The following SLC1A2 variants were observed in gnomAD, a reference collection of about 807,000 sequenced individuals.
SLC1A2 encodes the protein solute carrier family 1 member 2.
Under a neutral mutation model 48.8 loss-of-function variants are expected in SLC1A2, and 15 were observed. That is an observed-to-expected ratio of 0.31 (90% CI 0.21 to 0.47). The LOEUF is 0.47. Ranked by LOEUF, SLC1A2 falls within the 20% of genes least tolerant of loss-of-function variation. The pLI, the probability that SLC1A2 is intolerant of heterozygous loss-of-function variation, is 0.99. For synonymous variants in SLC1A2, 279 were observed against 272.6 expected (o/e 1.02, Z -0.23); for missense variants, 502 against 730.5 (o/e 0.69, Z 3.61).
intron 9 of SLC1A2, among the ~76,000 whole-genome samples, chr11:35,269,127 C>T (rs574051900): frequency 7.9e-5 from 12 of 152,242 alleles, no homozygotes; most frequent in African/African-American, 2.9e-4. Context: ...AGAAAAGAGG[C>T]CCAATAGAGA....
intron 10 of SLC1A2, among the ~76,000 whole-genome samples, chr11:35,262,132 T>G (rs1046638954): frequency 6.6e-6 from 1 of 152,252 alleles, no homozygotes; most frequent in African/African-American, 2.4e-5. Context: ...GCAGCAAATT[T>G]GTTTCCCTTT....
At chr11:35,351,008 T>A (rs182290378) in intron 1 of SLC1A2, among the ~76,000 whole-genome samples, 25 of 152,328 alleles carry the variant, frequency 1.6e-4, no homozygotes, top group African/African-American at 5.8e-4. Context: ...CCCACTATCC[T>A]CATCCAATAG....
At chr11:35,267,294 C>A (rs1194140469) in intron 9 of SLC1A2, among the ~76,000 whole-genome samples, 2 of 152,134 alleles carry the variant, frequency 1.3e-5, no homozygotes, top group Non-Finnish European at 2.9e-5. Context: ...TGTTTGACAA[C>A]CCTGATCATA....
At chr11:35,416,031 T>C (rs1364808936) in intron 1 of SLC1A2, among the ~76,000 whole-genome samples, 1 of 152,186 alleles carries the variant, frequency 6.6e-6, no homozygotes, top group Non-Finnish European at 1.5e-5. Context: ...AATGCTCAAC[T>C]ATTAAATTAG....
intron 1 of SLC1A2, among the ~76,000 whole-genome samples, chr11:35,354,684 C>T (rs913415426): frequency 6.6e-6 from 1 of 152,044 alleles, no homozygotes; most frequent in Admixed American, 6.6e-5. Context: ...TCGAGAAACC[C>T]TATCCCAACA....
chr11:35,388,750 C>T (rs1854662137), intron 1 of SLC1A2, among the ~76,000 whole-genome samples: 1 of 152,182 alleles, frequency 6.6e-6, no homozygotes. Context: ...GCATGTAGAG[C>T]CTATGCCTCC....
At chr11:35,324,493 T>C (rs1019657365) in intron 1 of SLC1A2, among the ~76,000 whole-genome samples, 9 of 152,240 alleles carry the variant, frequency 5.9e-5, no homozygotes, top group African/African-American at 2.2e-4. Context: ...TGATATAGTA[T>C]CTGATATATA....
chr11:35,296,850 C>G (rs1483551545), intron 6 of SLC1A2, among the ~76,000 whole-genome samples: 3 of 152,096 alleles, frequency 2.0e-5, no homozygotes, highest in African/African-American at 7.2e-5. Flanking sequence ...GCACTTATTA[C>G]TATTCGAATT....
intron 1 of SLC1A2, among the ~76,000 whole-genome samples, chr11:35,328,592 GA>G (rs1204754531): frequency 2.6e-5 from 4 of 152,168 alleles, no homozygotes; most frequent in Non-Finnish European, 5.9e-5. Flanking sequence ...CCTGGACTTG[GA>G]AAAACTGGTC....
At chr11:35,339,266 C>A (rs372722407) in intron 1 of SLC1A2, among the ~76,000 whole-genome samples, 2 of 152,152 alleles carry the variant, frequency 1.3e-5, no homozygotes, top group African/African-American at 4.8e-5. Context: ...AATCTCAATG[C>A]GGTGAACAAG....
intron 1 of SLC1A2, among the ~76,000 whole-genome samples, chr11:35,403,145 G>C (rs759606513): frequency 6.6e-6 from 1 of 152,188 alleles, no homozygotes; most frequent in South Asian, 2.1e-4. Context: ...TATGCCGAAC[G>C]CTTCACACAC....
intron 4 of SLC1A2, among the ~76,000 whole-genome samples, chr11:35,310,305 A>G (rs1403575249): frequency 2.6e-5 from 4 of 152,200 alleles, no homozygotes; most frequent in Non-Finnish European, 4.4e-5. Context: ...AATGTTAAGA[A>G]TGGATAGCAC....
At chr11:35,388,561 A>T (rs745473968) in intron 1 of SLC1A2, among the ~76,000 whole-genome samples, 5 of 151,980 alleles carry the variant, frequency 3.3e-5, no homozygotes, top group African/African-American at 4.8e-5. Flanking sequence ...GCCTGTTTAA[A>T]TTTTTGTATT....
intron 6 of SLC1A2, chr11:35,299,031 C>A (rs148425072): frequency 6.6e-6 from 1 of 152,330 alleles, no homozygotes; most frequent in African/African-American, 2.4e-5. Flanking sequence ...TCAGATGAAT[C>A]TGAAGGACTT....
At chr11:35,265,819 T>C in intron 9 of SLC1A2, 61 bp from the exon 10 acceptor site, 1 of 1,064,686 alleles carries the variant, frequency 9.4e-7, no homozygotes, top group Non-Finnish European at 1.4e-6. Context: ...AGTTGAGAGG[T>C]CAAGGTCTGG....
intron 10 of SLC1A2, among the ~76,000 whole-genome samples, chr11:35,263,179 A>G (rs368141347): frequency 3.2e-4 from 49 of 152,176 alleles, no homozygotes; most frequent in African/African-American, 1.1e-3. Context: ...AAAACGAAGC[A>G]AATTGGCCAG....
At position 35,312,447 on chromosome 11, in the gene SLC1A2, C is replaced by A. The variant is rs1360131761; in HGVS notation, c.312G>T (p.Gly104=). Residue 104 remains glycine, a splice_region_variant and synonymous_variant, in exon 4 of 11, where the codon GGG becomes GGT. Transcript: ENST00000278379. ...TAGCCTTAGCATCCAGGCCTGACAA[C>A]CCTGGATTGAAAAGAAATGCAGAAG... ...LPLIISSLIT[G]LSGLDAKASG... 2 of 1,613,604 alleles carry A rather than the reference C, an allele frequency of 1.2e-6. No individual in the cohort carries two copies. The highest frequency in any genetic ancestry group is 1.3e-5 in the African/African-American group (1 of 74,916).
intron 5 of SLC1A2, among the ~76,000 whole-genome samples, chr11:35,303,543 T>C (rs1360424963): frequency 6.6e-6 from 1 of 152,146 alleles, no homozygotes; most frequent in African/African-American, 2.4e-5. Flanking sequence ...GTCTGCTACG[T>C]GGGAGGTCAA....
At chr11:35,304,672 G>A (rs1851451157) in intron 5 of SLC1A2, among the ~76,000 whole-genome samples, 1 of 151,964 alleles carries the variant, frequency 6.6e-6, no homozygotes, top group African/African-American at 2.4e-5. Flanking sequence ...CTGCTTCTCA[G>A]TGACTGTGCA....
Sources: gnomAD v4.1 joint callset for allele counts (sites outside exome capture counted in the v4.1 genomes callset) on GRCh38, gnomAD v4.1.1 for gene constraint, MANE v1.5 for transcripts, NCBI Gene and HGNC (gene_info 2026-07-23, HGNC 2026-07-21) for gene names.